The following RALYL variants were observed in gnomAD, a reference collection of about 807,000 sequenced individuals.
The protein encoded by RALYL is RALY RNA binding protein like, also known as RNA-binding Raly-like protein.
RALYL carries 29 observed loss-of-function variants against 35.1 expected under a neutral mutation model. That is an observed-to-expected ratio of 0.83 (90% confidence interval 0.61 to 1.13). RALYL has a LOEUF of 1.13. Ranked by LOEUF, RALYL falls within the 50% of genes most tolerant of loss-of-function variation. RALYL has a pLI of 0.00. For synonymous variants in RALYL, 120 were observed against 127.6 expected (o/e 0.94, Z 0.40); for missense variants, 359 against 360.4 (o/e 1.00, Z 0.03).
intron 2 of RALYL, among the ~76,000 whole-genome samples, chr8:84,572,095 A>G (rs151332360): frequency 9.1e-4 from 138 of 151,920 alleles, no homozygotes; most frequent in Non-Finnish European, 1.8e-3. Context: ...TATTCTGTAA[A>G]TGTCCATTGG....
chr8:84,424,419 C>T (rs1222193332), intron 1 of RALYL, among the ~76,000 whole-genome samples: 1 of 121,292 alleles, frequency 8.2e-6, no homozygotes, highest in Admixed American at 8.2e-5. Context: ...TTAAGCACTT[C>T]TCTGTATTGG....
At chr8:84,844,467 C>G (rs1173379202) in intron 4 of RALYL, among the ~76,000 whole-genome samples, 1 of 152,160 alleles carries the variant, frequency 6.6e-6, no homozygotes, top group African/African-American at 2.4e-5. Flanking sequence ...AGTCAGGAAA[C>G]AACAGGTGCT....
At position 84,921,766 on chromosome 8, in the gene RALYL, A is replaced by C. The variant is rs1487876588; in HGVS notation, c.*855A>C. 1.3e-5 allele frequency: 2 copies of C among 152,224 alleles called. No individual in the cohort carries two copies. Among genetic ancestry groups the C allele is most frequent in the Non-Finnish European group, 2.9e-5 (2 of 68,030 alleles). 9.4% of individuals were successfully genotyped at this position (152,224 alleles called of 1,614,324 possible). A position where few individuals can be genotyped will look rare whatever the true frequency, so the allele number is the denominator to read the frequency against. On this transcript the variant is annotated 3_prime_UTR_variant, in exon 9 of 9. Coordinates refer to ENST00000521268, the MANE Select transcript of RALYL (RefSeq NM_173848.7). ...TTAGCTGTTGTCTTGTGCTGTGGAA[A>C]TGGAAGAAACCATCTTCACAGACCG... is the stretch of plus-strand genomic sequence containing the variant.
rs191316020 is a variant in RALYL, at chr8:84,745,365, G to A, written c.257-29214G>A. On this transcript the variant is annotated intron_variant, in intron 2 of 8. Coordinates refer to ENST00000521268, the MANE Select transcript of RALYL (RefSeq NM_173848.7). ...TATTAAGATCCTATTTTTTAAATGC[G>A]TCTATGATGAAAAAATTTTAGTGCT... Among the ~76,000 whole-genome samples, 539 of 151,922 alleles carry A rather than the reference G, an allele frequency of 3.5e-3. 2 individuals are homozygous for A. Among genetic ancestry groups the A allele is most frequent in the Non-Finnish European group, 5.7e-3 (389 of 67,896 alleles).
rs142770339 is a variant in RALYL, at chr8:84,778,785, G to A, written c.332+4131G>A. On this transcript the variant is annotated intron_variant, in intron 3 of 8. Transcript: ENST00000521268. Reference sequence around the variant, plus strand: ...AACCACTTAAACATGGTGACTGATCGGAAATGGGGTGTGAGGAGAGAGAGT... The same window carrying A: ...AACCACTTAAACATGGTGACTGATCAGAAATGGGGTGTGAGGAGAGAGAGT... 3.9e-5 allele frequency among the ~76,000 whole-genome samples: 6 copies of A among 152,298 alleles called. No homozygotes were observed. In the East Asian group the frequency reaches 7.7e-4, roughly 20 times the overall value.
chr8:84,908,985 T>A (rs1847042068), intron 8 of RALYL, among the ~76,000 whole-genome samples: 1 of 152,100 alleles, frequency 6.6e-6, no homozygotes. Flanking sequence ...CTCACAATTG[T>A]TAAAAGTGAG....
chr8:84,796,909 T>A (rs1446432704), intron 3 of RALYL, among the ~76,000 whole-genome samples: 1 of 152,218 alleles, frequency 6.6e-6, no homozygotes, highest in Non-Finnish European at 1.5e-5. Context: ...TATTGTGTTC[T>A]TTATCTTTTC....
chr8:84,283,735 A>G (rs1406922672), intron 1 of RALYL, among the ~76,000 whole-genome samples: 1 of 152,134 alleles, frequency 6.6e-6, no homozygotes, highest in Non-Finnish European at 1.5e-5. Context: ...AATATCACCC[A>G]ATAGATTGGC....
chr8:84,326,002 C>T (rs985641575), intron 1 of RALYL, among the ~76,000 whole-genome samples: 2 of 152,026 alleles, frequency 1.3e-5, no homozygotes, highest in Admixed American at 1.3e-4. Flanking sequence ...GTCTCAGCTA[C>T]TTGGGAGGCT....
chr8:84,600,863 A>G (rs1815772875), intron 2 of RALYL, among the ~76,000 whole-genome samples: 1 of 152,154 alleles, frequency 6.6e-6, no homozygotes, highest in East Asian at 1.9e-4. Context: ...TATATTGGAA[A>G]GGTGTCAGGT....
intron 8 of RALYL, among the ~76,000 whole-genome samples, chr8:84,920,069 T>C (rs537080034): frequency 3.9e-5 from 6 of 152,232 alleles, no homozygotes; most frequent in African/African-American, 1.4e-4. Context: ...CCTAATTCTC[T>C]GGCTACTTAT....
At chr8:84,235,473 T>C (rs1826304432) in intron 1 of RALYL, among the ~76,000 whole-genome samples, 1 of 152,218 alleles carries the variant, frequency 6.6e-6, no homozygotes, top group African/African-American at 2.4e-5. Flanking sequence ...TATTAAACCA[T>C]TTCTTGTTGC....
intron 1 of RALYL, among the ~76,000 whole-genome samples, chr8:84,251,514 T>C (rs1184652152): frequency 6.6e-6 from 1 of 152,120 alleles, no homozygotes; most frequent in Non-Finnish European, 1.5e-5. Flanking sequence ...TATCTAATTT[T>C]AGAGTCTAGA....
intron 6 of RALYL, among the ~76,000 whole-genome samples, chr8:84,864,287 T>C (rs149798989): frequency 3.0e-4 from 45 of 152,272 alleles, no homozygotes; most frequent in African/African-American, 8.7e-4. Flanking sequence ...ACTAGAGATA[T>C]TTTGAAAGAA....
At chr8:84,215,504 T>C (rs995468381) in intron 1 of RALYL, among the ~76,000 whole-genome samples, 10 of 151,950 alleles carry the variant, frequency 6.6e-5, no homozygotes, top group Non-Finnish European at 1.5e-4. Context: ...TAAATGCATA[T>C]CTATTCATAA....
intron 7 of RALYL, among the ~76,000 whole-genome samples, chr8:84,887,034 A>G (rs937960638): frequency 1.2e-4 from 19 of 152,174 alleles, no homozygotes; most frequent in Admixed American, 1.1e-3. Flanking sequence ...GAAGTTAACC[A>G]CATCTGTCAA....
chr8:84,704,480 C>CAACA (rs56942044), intron 2 of RALYL, among the ~76,000 whole-genome samples: 2,133 of 139,572 alleles, frequency 0.015, 59 homozygotes, highest in African/African-American at 0.058. Context: ...CACACACACA[C>CAACA]ACAACAACTC....
At chr8:84,649,537 A>T (rs1828242007) in intron 2 of RALYL, among the ~76,000 whole-genome samples, 1 of 152,046 alleles carries the variant, frequency 6.6e-6, no homozygotes, top group African/African-American at 2.4e-5. Flanking sequence ...TTAAATAGGG[A>T]ATCCTTTCCC....
chr8:84,920,157 A>G (rs1849099002), intron 8 of RALYL, among the ~76,000 whole-genome samples: 1 of 152,106 alleles, frequency 6.6e-6, no homozygotes, highest in Non-Finnish European at 1.5e-5. Flanking sequence ...CAGATTTTCT[A>G]TCTAACCCCT....
Sources: allele counts gnomAD v4.1 joint callset (sites outside exome capture counted in the v4.1 genomes callset), GRCh38; gene constraint gnomAD v4.1.1; transcripts MANE v1.5; gene names NCBI Gene and HGNC (gene_info 2026-07-23, HGNC 2026-07-21).